IL20RB: variants seen among roughly 807,000 people sequenced by gnomAD.
IL20RB encodes interleukin-20 receptor subunit beta.
Under a neutral mutation model 33.3 loss-of-function variants are expected in IL20RB, and 21 were observed. That is an observed-to-expected ratio of 0.63 (90% CI 0.45 to 0.91). The LOEUF (loss-of-function observed/expected upper bound fraction) is 0.91, where lower values mean the gene tolerates loss of function less well. Among genes scored for constraint, IL20RB ranks in the 40% least tolerant of loss-of-function variants. The probability of loss-of-function intolerance (pLI) is 0.00; values close to 1 mark genes in which losing one functional copy is unlikely to be tolerated. For missense variants in IL20RB, 345 were observed against 384.8 expected (o/e 0.90, Z 0.86); for synonymous variants, 147 against 146.8 (o/e 1.00, Z -0.01).
intron 1 of IL20RB, among the ~76,000 whole-genome samples, chr3:136,970,656 T>TTCCTTCCTTCCTTCCC (rs1472784362): frequency 8.2e-6 from 1 of 121,988 alleles, no homozygotes; most frequent in Non-Finnish European, 1.8e-5. Context: ...CCTTCCTTCC[T>TTCCTTCCTTCCTTCCC]TCCTTCCTTT....
rs756382182 is a variant in IL20RB at position 136,958,226 on chromosome 3, A to G, written c.88+25A>G. On this transcript the variant is annotated intron_variant, in intron 1 of 6. Transcript: ENST00000329582. Reference sequence around the variant, plus strand: ...GGTAAGTATGAATTAGAATACATCCAATAGTTTGGGCCTTGAATATAGGTT... The same window carrying G: ...GGTAAGTATGAATTAGAATACATCCGATAGTTTGGGCCTTGAATATAGGTT... 6 of 1,449,126 alleles carry G rather than the reference A, an allele frequency of 4.1e-6. No homozygotes were observed. In the South Asian group the frequency reaches 5.7e-5, roughly 14 times the overall value. 89.8% of individuals were successfully genotyped at this position (1,449,126 alleles called of 1,614,324 possible). A position where few individuals can be genotyped will look rare whatever the true frequency, so the allele number is the denominator to read the frequency against.
intron 3 of IL20RB, among the ~76,000 whole-genome samples, chr3:136,985,302 C>G (rs939868682): frequency 1.3e-5 from 2 of 151,300 alleles, no homozygotes; most frequent in African/African-American, 4.9e-5. Context: ...ATTTAAGGCT[C>G]TCCTGAAAAG....
At chr3:137,000,419 G>A (rs1942220515) in intron 6 of IL20RB, among the ~76,000 whole-genome samples, 1 of 152,056 alleles carries the variant, frequency 6.6e-6, no homozygotes, top group Non-Finnish European at 1.5e-5. Context: ...CTGTTTTTTG[G>A]CTTTTCAAAA....
intron 1 of IL20RB, chr3:136,959,370 CT>C (rs1180115692): frequency 6.6e-6 from 1 of 152,232 alleles, no homozygotes; most frequent in Non-Finnish European, 1.5e-5. Context: ...ACCCCAGGTA[CT>C]TTAGCTTCAG....
intron 6 of IL20RB, 44 bp from the exon 7 acceptor site, chr3:137,010,069 C>A (rs747811746): frequency 3.4e-6 from 3 of 873,368 alleles, no homozygotes; most frequent in South Asian, 1.3e-5. Flanking sequence ...AGTATTACTA[C>A]TACTGCTATC....
chr3:136,960,475 T>C (rs1360350044), intron 1 of IL20RB, among the ~76,000 whole-genome samples: 3 of 152,212 alleles, frequency 2.0e-5, no homozygotes, highest in Non-Finnish European at 4.4e-5. Flanking sequence ...ATCATTTGCC[T>C]TGTCCTGTCC....
chr3:136,961,954 G>C (rs1169749766), intron 1 of IL20RB, among the ~76,000 whole-genome samples: 1 of 152,072 alleles, frequency 6.6e-6, no homozygotes, highest in Non-Finnish European at 1.5e-5. Flanking sequence ...TTGGCCAAAA[G>C]CTAGAACAAT....
At chr3:136,973,441 C>T (rs76035787) in intron 1 of IL20RB, among the ~76,000 whole-genome samples, 4 of 144,784 alleles carry the variant, frequency 2.8e-5, no homozygotes. Context: ...CAGTGAATCT[C>T]AAAAAAAAAA....
At chr3:136,971,102 G>C (rs921095172) in intron 1 of IL20RB, among the ~76,000 whole-genome samples, 1 of 152,026 alleles carries the variant, frequency 6.6e-6, no homozygotes, top group Non-Finnish European at 1.5e-5. Context: ...TCTGCTATCA[G>C]GTATTGAATT....
At chr3:136,989,294 C>T (rs1941977609) in intron 3 of IL20RB, 147 bp from the exon 4 acceptor site, 1 of 825,654 alleles carries the variant, frequency 1.2e-6, no homozygotes, top group African/African-American at 1.7e-5. Flanking sequence ...TATTTGTGTA[C>T]ATGTTTCCAT....
At chr3:136,980,360 A>T (rs1283927433) in intron 1 of IL20RB, 106 bp from the exon 2 acceptor site, 2 of 1,347,556 alleles carry the variant, frequency 1.5e-6, no homozygotes, top group Admixed American at 3.4e-5. Context: ...ATCTCAGCTT[A>T]CTGCAACCTC....
At chr3:136,981,382 C>T (rs369174392) in intron 2 of IL20RB, among the ~76,000 whole-genome samples, 29 of 152,220 alleles carry the variant, frequency 1.9e-4, no homozygotes, top group Middle Eastern at 3.4e-3. Flanking sequence ...TGAACAACAT[C>T]GATTTAGAAT....
chr3:136,989,585 C>A lies in IL20RB; in HGVS notation c.531+20C>A. On this transcript the variant is annotated intron_variant, in intron 4 of 6. Coordinates refer to ENST00000329582, the MANE Select transcript of IL20RB (RefSeq NM_144717.4). The stretch of plus-strand genomic sequence containing the variant: ...GCCGAGGTGAGACTCCAGCCTTGGC[C>A]TTTGGGTCAGGCTTCGGGAAAGAAG... 6.2e-7 allele frequency: 1 copy of A among 1,613,100 alleles called. No individual in the cohort carries two copies. Among genetic ancestry groups the A allele is most frequent in the South Asian group, 1.1e-5 (1 of 90,986 alleles).
At chr3:136,997,152 G>A (rs1314712460) in intron 6 of IL20RB, among the ~76,000 whole-genome samples, 1 of 151,414 alleles carries the variant, frequency 6.6e-6, no homozygotes, top group Non-Finnish European at 1.5e-5. Context: ...AGGCTGGAGT[G>A]CAGTGGCGCA....
At chr3:136,976,128 A>G (rs1941612225) in intron 1 of IL20RB, among the ~76,000 whole-genome samples, 1 of 152,144 alleles carries the variant, frequency 6.6e-6, no homozygotes, top group Non-Finnish European at 1.5e-5. Flanking sequence ...TTTAGGCCCA[A>G]CCTCAGGACC....
intron 6 of IL20RB, 47 bp from the exon 7 acceptor site, chr3:137,010,066 C>G: frequency 1.2e-6 from 1 of 857,692 alleles, no homozygotes; most frequent in Non-Finnish European, 2.0e-6. Context: ...TTTAGTATTA[C>G]TACTACTGCT....
chr3:136,989,265 C>A (rs1384960433), intron 3 of IL20RB, among the ~76,000 whole-genome samples, 176 bp from the exon 4 acceptor site: 3 of 152,202 alleles, frequency 2.0e-5, no homozygotes, highest in African/African-American at 7.2e-5. Context: ...TTACTGAGCA[C>A]CTGCTGCATA....
At chr3:136,975,669 C>T (rs1222181282) in intron 1 of IL20RB, among the ~76,000 whole-genome samples, 5 of 152,148 alleles carry the variant, frequency 3.3e-5, no homozygotes, top group Non-Finnish European at 7.3e-5. Flanking sequence ...ACTTTGGCTG[C>T]AGCGTTAGTA....
At chr3:136,960,187 CG>C (rs1941180399) in intron 1 of IL20RB, among the ~76,000 whole-genome samples, 1 of 113,106 alleles carries the variant, frequency 8.8e-6, no homozygotes, top group Non-Finnish European at 1.6e-5. Flanking sequence ...CTCGTTCTGT[CG>C]CCAGGCTGGA....
Sources: allele counts gnomAD v4.1 joint callset (sites outside exome capture counted in the v4.1 genomes callset), GRCh38; gene constraint gnomAD v4.1.1; transcripts MANE v1.5; gene names NCBI Gene and HGNC (gene_info 2026-07-23, HGNC 2026-07-21).